Variants in EPN2 observed in about 807,000 individuals in gnomAD.
The protein encoded by EPN2 is epsin-2.
Under a neutral mutation model 61.7 loss-of-function variants are expected in EPN2, and 34 were observed. The observed-to-expected ratio is 0.55, with a 90% CI of 0.42 to 0.73. The LOEUF is 0.73. EPN2 is among the 30% of genes least tolerant of loss of function. The probability of loss-of-function intolerance (pLI) is 0.00; values close to 1 mark genes in which losing one functional copy is unlikely to be tolerated. For synonymous variants in EPN2, 349 were observed against 353.6 expected (o/e 0.99, Z 0.15); for missense variants, 714 against 839.2 (o/e 0.85, Z 1.84).
intron 4 of EPN2, among the ~76,000 whole-genome samples, chr17:19,300,619 G>A (rs1380772430): frequency 6.6e-6 from 1 of 151,886 alleles, no homozygotes; most frequent in Non-Finnish European, 1.5e-5. Flanking sequence ...GTAGAGACGG[G>A]GTTTCTCCAT....
At chr17:19,296,991 T>C (rs1230034909) in intron 4 of EPN2, 3 of 152,290 alleles carry the variant, frequency 2.0e-5, no homozygotes, top group Non-Finnish European at 4.4e-5. Context: ...TTCCTGCTTT[T>C]TGTCTTGTGA....
At position 19,283,044 on chromosome 17, in the gene EPN2, A is replaced by G. The variant is rs1333610297; in HGVS notation, c.-76A>G. On this transcript the variant is annotated 5_prime_UTR_variant, in exon 3 of 11. Coordinates refer to ENST00000314728, the MANE Select transcript of EPN2 (RefSeq NM_014964.5). The surrounding 1 kb of genome is among the most constrained non-coding windows in gnomAD (Gnocchi z 7.0). ...GCTTGATTACGGAGACTGAACCTTC[A>G]TAGGGTGCGCACTTACCAAGGACAG... 2.0e-6 allele frequency: 2 copies of G among 1,019,510 alleles called. No homozygotes were observed. The highest frequency in any genetic ancestry group is 5.0e-5 in the East Asian group (2 of 40,390). 63.2% of individuals were successfully genotyped at this position (1,019,510 alleles called of 1,614,324 possible). A position where few individuals can be genotyped will look rare whatever the true frequency, so the allele number is the denominator to read the frequency against.
chr17:19,294,983 A>C (rs2045500495), intron 4 of EPN2, among the ~76,000 whole-genome samples: 1 of 152,198 alleles, frequency 6.6e-6, no homozygotes, highest in Non-Finnish European at 1.5e-5. Flanking sequence ...GACTAGAAAC[A>C]GGAGGGAAGG....
chr17:19,289,724 G>GTTTTGTTTTTTTTTTTTTTTTTT lies in EPN2; in HGVS notation c.766+3938_766+3939insGTTTTTTTTTTTTTTTTTTTTTT, dbSNP rs772230550. Among the ~76,000 whole-genome samples the GTTTTGTTTTTTTTTTTTTTTTTT allele has an allele frequency of 5.3e-4, 41 of 78,048 alleles. 3 individuals are homozygous for GTTTTGTTTTTTTTTTTTTTTTTT. Among genetic ancestry groups the GTTTTGTTTTTTTTTTTTTTTTTT allele is most frequent in the East Asian group, 2.9e-3 (5 of 1,734 alleles). 51.2% of individuals were successfully genotyped at this position (78,048 alleles called of 152,430 possible). A position where few individuals can be genotyped will look rare whatever the true frequency, so the allele number is the denominator to read the frequency against. ...TGTTCGGCCTCACCTGGCGCTCATGGTTTTTTTTTTTTTTTTTTTTGAGAT... is the reference window on the plus strand; with the variant it reads ...TGTTCGGCCTCACCTGGCGCTCATGGTTTTGTTTTTTTTTTTTTTTTTTTTTTTTTTTTTTTTTTTTTTGAGAT... On this transcript the variant is annotated intron_variant, in intron 4 of 10. Transcript: ENST00000314728.
At chr17:19,305,352 GCCTCAAGTGAT>G in intron 4 of EPN2, among the ~76,000 whole-genome samples, 1 of 151,948 alleles carries the variant, frequency 6.6e-6, no homozygotes, top group Non-Finnish European at 1.5e-5. Context: ...CGAACTCCTG[GCCTCAAGTGAT>G]CCACCCCCTT....
intron 7 of EPN2, among the ~76,000 whole-genome samples, chr17:19,316,744 G>A (rs182279048): frequency 1.3e-5 from 2 of 152,278 alleles, no homozygotes; most frequent in East Asian, 1.9e-4. Flanking sequence ...ACAATACCAC[G>A]CTGTACCATC....
At chr17:19,318,623 A>G (rs1481285385) in intron 7 of EPN2, among the ~76,000 whole-genome samples, 3 of 150,638 alleles carry the variant, frequency 2.0e-5, no homozygotes, top group African/African-American at 7.3e-5. Flanking sequence ...TGCATGATAC[A>G]GTTGCAGAGT....
chr17:19,258,323 TA>T (rs2045104248), intron 1 of EPN2, among the ~76,000 whole-genome samples: 1 of 152,194 alleles, frequency 6.6e-6, no homozygotes. Context: ...TCTCCCCATC[TA>T]TGATATAAAT....
At chr17:19,270,528 A>T (rs1214889060) in intron 1 of EPN2, among the ~76,000 whole-genome samples, 2 of 152,158 alleles carry the variant, frequency 1.3e-5, no homozygotes, top group Non-Finnish European at 2.9e-5. Context: ...GTCCCTGTGG[A>T]CATTGCACCT....
At chr17:19,306,872 A>C (rs1234372487) in intron 4 of EPN2, among the ~76,000 whole-genome samples, 2 of 152,214 alleles carry the variant, frequency 1.3e-5, no homozygotes, top group East Asian at 3.9e-4. Flanking sequence ...CGTAAGTGCA[A>C]TATTTGCTTT....
rs149737112 is a variant in EPN2 at position 19,242,333 on chromosome 17, C to T, written c.-294+4802C>T. Among the ~76,000 whole-genome samples the T allele has an allele frequency of 3.7e-3, 559 of 152,244 alleles. 14 individuals carry two copies. Among genetic ancestry groups the T allele is most frequent in the Admixed American group, 0.032 (493 of 15,294 alleles). The stretch of plus-strand genomic sequence containing the variant: ...GCATACACCTGTAGTCCCAGCTACT[C>T]AGGAGGCTGAGGCAGGAAAATCACT... On this transcript the variant is annotated intron_variant, in intron 1 of 10. Transcript: ENST00000314728.
In EPN2 at chr17:19,275,698, G is replaced by A. The variant is rs539730190; in HGVS notation, c.-293-6257G>A. 2.0e-5 allele frequency among the ~76,000 whole-genome samples: 3 copies of A among 152,310 alleles called. No homozygotes were observed. In the South Asian group the frequency reaches 6.2e-4, roughly 32 times the overall value. On this transcript the variant is annotated intron_variant, in intron 1 of 10. Transcript: ENST00000314728. ...GGCCAGTTTCCCAAGGATGACTGAA[G>A]TACTCTTTCCAAGAAGAGGGGGATT...
intron 1 of EPN2, among the ~76,000 whole-genome samples, chr17:19,273,707 A>G (rs1260898420): frequency 6.6e-6 from 1 of 152,196 alleles, no homozygotes; most frequent in Non-Finnish European, 1.5e-5. Context: ...TCATCAGAAT[A>G]TAGATGCCCA....
chr17:19,319,333 T>G (rs1157622631), intron 7 of EPN2, among the ~76,000 whole-genome samples: 1 of 150,826 alleles, frequency 6.6e-6, no homozygotes, highest in Non-Finnish European at 1.5e-5. Context: ...ACTTTTTAAA[T>G]TTTTTTTTTG....
Position 19,311,457 on chromosome 17 carries a change from TAAAAAC to T in EPN2, c.880-592_880-587del, listed in dbSNP as rs1246148021. On this transcript the variant is annotated intron_variant, in intron 5 of 10. Coordinates refer to ENST00000314728, the MANE Select transcript of EPN2 (RefSeq NM_014964.5). Reference sequence around the variant, plus strand: ...GGTAATACCATGAGACCCTATCTCTTAAAAACAAGAAAAGAAAAAATACAAGGAATA... The same window carrying T: ...GGTAATACCATGAGACCCTATCTCTTAAGAAAAGAAAAAATACAAGGAATA... Among the ~76,000 whole-genome samples, 4 of 152,022 alleles carry T rather than the reference TAAAAAC, an allele frequency of 2.6e-5. No homozygotes were observed. The East Asian group carries it at 7.7e-4, about 29-fold the overall frequency.
At chr17:19,258,330 T>C (rs1190027529) in intron 1 of EPN2, among the ~76,000 whole-genome samples, 1 of 152,162 alleles carries the variant, frequency 6.6e-6, no homozygotes, top group Non-Finnish European at 1.5e-5. Context: ...ATCTATGATA[T>C]AAATGAGAGA....
chr17:19,299,947 T>A (rs1386529818), intron 4 of EPN2, among the ~76,000 whole-genome samples: 1 of 152,182 alleles, frequency 6.6e-6, no homozygotes, highest in African/African-American at 2.4e-5. Context: ...ATCTGATGGG[T>A]GTTTGAGCAC....
At chr17:19,327,506 G>C (rs553638119) in intron 7 of EPN2, among the ~76,000 whole-genome samples, 1 of 151,864 alleles carries the variant, frequency 6.6e-6, no homozygotes, top group African/African-American at 2.4e-5. Context: ...ACCCCATCTC[G>C]ACGAAAATTA....
chr17:19,269,105 A>G (rs965863238), intron 1 of EPN2, among the ~76,000 whole-genome samples: 16 of 152,208 alleles, frequency 1.1e-4, no homozygotes, highest in Non-Finnish European at 2.2e-4. Context: ...TGTGGTTTGC[A>G]CATATTCTCT....
Sources: allele counts gnomAD v4.1 joint callset (sites outside exome capture counted in the v4.1 genomes callset), GRCh38; gene constraint gnomAD v4.1.1; non-coding constraint Gnocchi (gnomAD v3.1); transcripts MANE v1.5; gene names NCBI Gene and HGNC (gene_info 2026-07-23, HGNC 2026-07-21).